KSR1: variants seen among roughly 807,000 people sequenced by gnomAD.
KSR1 encodes kinase suppressor of ras.
Under a neutral mutation model 92.9 loss-of-function variants are expected in KSR1, and 35 were observed. The observed-to-expected ratio is 0.38, with a 90% CI of 0.29 to 0.50. The LOEUF (loss-of-function observed/expected upper bound fraction) is 0.50. KSR1 is among the 20% of genes least tolerant of loss of function. The pLI is 0.94. For synonymous variants in KSR1, 467 were observed against 472.6 expected, an observed-to-expected ratio of 0.99 and a Z score of 0.15; for missense variants, 972 against 1,158.5, an observed-to-expected ratio of 0.84 and a Z score of 2.34.
At chr17:27,495,608 C>T (rs1009849973) in intron 1 of KSR1, among the ~76,000 whole-genome samples, 5 of 152,180 alleles carry the variant, frequency 3.3e-5, no homozygotes, top group African/African-American at 1.2e-4. Flanking sequence ...AATCTGTGAG[C>T]AATGTTGTCC....
chr17:27,566,561 G>C (rs1333597561), intron 2 of KSR1: 5 of 399,058 alleles, frequency 1.3e-5, no homozygotes, highest in Non-Finnish European at 2.2e-5. Context: ...CACCTGGGCT[G>C]GAGGATTATG....
chr17:27,456,793 C>G lies in KSR1; in HGVS notation c.150C>G (p.Ile50Met). 15 of 1,566,452 alleles carry G rather than the reference C, an allele frequency of 9.6e-6. No individual in the cohort carries two copies. Among genetic ancestry groups the G allele is most frequent in the Non-Finnish European group, 1.3e-5 (15 of 1,152,616 alleles). Residue 50 changes from isoleucine (I) to methionine (M), a missense_variant, in exon 1 of 21, where the codon ATC (isoleucine) becomes ATG (methionine). Ile to Met is a conservative substitution (Grantham distance 10). Coordinates refer to ENST00000644974, the MANE Select transcript of KSR1 (RefSeq NM_001394583.1). ...QCGQLQKLID[I>M]SIGSLRGLRT... Reference sequence around the variant, plus strand: ...GGCAGCTCCAGAAGCTCATCGACATCTCCATCGGCAGCCTGCGCGGGCTGC... The same window carrying G: ...GGCAGCTCCAGAAGCTCATCGACATGTCCATCGGCAGCCTGCGCGGGCTGC...
chr17:27,569,828 C>G (rs2072235207), intron 2 of KSR1, among the ~76,000 whole-genome samples: 2 of 152,324 alleles, frequency 1.3e-5, no homozygotes, highest in South Asian at 4.1e-4. Flanking sequence ...AAAAGTTTGC[C>G]TATTCTCACA....
intron 1 of KSR1, among the ~76,000 whole-genome samples, chr17:27,521,304 A>G (rs984979206): frequency 2.0e-5 from 3 of 149,828 alleles, no homozygotes; most frequent in African/African-American, 4.9e-5. Context: ...CAGTTTACCC[A>G]TGAGGACAGT....
intron 1 of KSR1, among the ~76,000 whole-genome samples, chr17:27,479,516 C>CCG (rs2068450915): frequency 6.6e-6 from 1 of 152,064 alleles, no homozygotes; most frequent in Non-Finnish European, 1.5e-5. Flanking sequence ...GAGGAAGGTG[C>CCG]CGCTCCTAGT....
At chr17:27,500,156 G>A (rs2069125757) in intron 1 of KSR1, among the ~76,000 whole-genome samples, 1 of 152,214 alleles carries the variant, frequency 6.6e-6, no homozygotes, top group Non-Finnish European at 1.5e-5. Flanking sequence ...AGCTTATAAA[G>A]AGTGCAGGGG....
In KSR1 at chr17:27,559,679, C is replaced by T. The variant is rs55884313; in HGVS notation, c.372+8971C>T. Among the ~76,000 whole-genome samples, 1,000 of 152,308 alleles carry T rather than the reference C, an allele frequency of 6.6e-3. 4 individuals carry two copies. The highest frequency in any genetic ancestry group is 9.8e-3 in the Non-Finnish European group (669 of 68,014). On this transcript the variant is annotated intron_variant, in intron 2 of 20. Coordinates refer to ENST00000644974, the MANE Select transcript of KSR1 (RefSeq NM_001394583.1). This position sits in a 1 kb window ranked among gnomAD's most constrained non-coding sequence, Gnocchi z 4.2. ...AGAGCCCCAGATGCCCTGATGGCTC[C>T]GGGATGGGATCTGTTGGAGCCAGTG... is the stretch of plus-strand genomic sequence containing the variant.
intron 1 of KSR1, among the ~76,000 whole-genome samples, chr17:27,525,848 A>T (rs2070238698): frequency 6.6e-6 from 1 of 152,198 alleles, no homozygotes; most frequent in Admixed American, 6.5e-5. Flanking sequence ...CATTTGTGTA[A>T]ATCTTCTCCC....
rs1456013749 is a variant in KSR1, at chr17:27,456,820, C to T, written c.177C>T (p.Arg59=). The change falls in exon 1 of 21, where the codon CGC becomes CGT. Residue 59 remains arginine, a synonymous_variant. Coordinates refer to ENST00000644974, the MANE Select transcript of KSR1 (RefSeq NM_001394583.1). ...CCATCGGCAGCCTGCGCGGGCTGCG[C>T]ACCAAGTGCGCTGTGTCCAACGACC... ...DISIGSLRGL[R]TKCAVSNDLT... is the part of the protein sequence containing the mutation. The T allele has an allele frequency of 4.7e-6, 7 of 1,480,308 alleles. No individual in the cohort carries two copies. Among genetic ancestry groups the T allele is most frequent in the Non-Finnish European group, 6.5e-6 (7 of 1,073,968 alleles). 91.7% of individuals were successfully genotyped at this position (1,480,308 alleles called of 1,614,324 possible).
intron 4 of KSR1, among the ~76,000 whole-genome samples, chr17:27,584,571 A>C (rs947448118): frequency 6.6e-6 from 1 of 152,178 alleles, no homozygotes; most frequent in Admixed American, 6.5e-5. Flanking sequence ...GTCTTCTCCC[A>C]AGAAGAGCAT....
chr17:27,479,491 C>T (rs182876959), intron 1 of KSR1, among the ~76,000 whole-genome samples: 21 of 152,290 alleles, frequency 1.4e-4, no homozygotes, highest in Admixed American at 7.2e-4. Context: ...CCTTCTGAGG[C>T]GGGTGTAGGG....
In KSR1 at chr17:27,519,800, A is replaced by G. The variant is rs772317172; in HGVS notation, c.232-30768A>G. ...GGGACCTAGAGTCTAAGACCAAAGG[A>G]AAGTCCCTGGTCCATGGCACAGGCT... On this transcript the variant is annotated intron_variant, in intron 1 of 20. Transcript: ENST00000644974. Among the ~76,000 whole-genome samples the G allele has an allele frequency of 8.2e-4, 125 of 152,334 alleles. 1 individual carries two copies. Among genetic ancestry groups the G allele is most frequent in the Non-Finnish European group, 2.4e-4 (16 of 68,020 alleles).
intron 16 of KSR1, 142 bp downstream of exon 16, chr17:27,609,471 T>C: frequency 9.2e-7 from 1 of 1,086,748 alleles, no homozygotes; most frequent in South Asian, 1.6e-5. Flanking sequence ...CCTGCCCTCG[T>C]AGTTCTGGTT....
In KSR1 at chr17:27,456,593, G is replaced by C; in HGVS notation, c.-51G>C. 1 of 460,918 alleles carries C rather than the reference G, an allele frequency of 2.2e-6. No homozygotes were observed. Among genetic ancestry groups the C allele is most frequent in the Non-Finnish European group, 3.7e-6 (1 of 267,522 alleles). The allele number at this position is 460,918 out of a possible 1,614,324, so 28.6% of individuals were successfully genotyped here. A position where few individuals can be genotyped will look rare whatever the true frequency, so the allele number is the denominator to read the frequency against. ...TGGCTCGGGGGTTCCTTGCCGAGGC[G>C]CCCGCGCCCCGGGCTCCCAGCCTCG... On this transcript the variant is annotated 5_prime_UTR_variant, in exon 1 of 21. Coordinates refer to ENST00000644974, the MANE Select transcript of KSR1 (RefSeq NM_001394583.1).
intron 11 of KSR1, 57 bp downstream of exon 11, chr17:27,601,458 C>T: frequency 6.7e-7 from 1 of 1,495,664 alleles, no homozygotes; most frequent in Non-Finnish European, 9.3e-7. Flanking sequence ...TTCTGTCCTG[C>T]CCACCTGGGC....
Position 27,503,831 on chromosome 17 carries a change from A to C in KSR1, c.232-46737A>C, listed in dbSNP as rs544676469. ...GGCGCCGTCAGCCTAGTCCTGGTGTAAGGAGGTGCGGGTCGGAGCTCCTAG... is the reference window on the plus strand; with the variant it reads ...GGCGCCGTCAGCCTAGTCCTGGTGTCAGGAGGTGCGGGTCGGAGCTCCTAG... On this transcript the variant is annotated intron_variant, in intron 1 of 20. Coordinates refer to ENST00000644974, the MANE Select transcript of KSR1 (RefSeq NM_001394583.1). Among the ~76,000 whole-genome samples, 3 of 152,250 alleles carry C rather than the reference A, an allele frequency of 2.0e-5. No homozygotes were observed. The South Asian group carries it at 6.2e-4, about 32-fold the overall frequency.
At chr17:27,471,708 C>T (rs1014408231) in intron 1 of KSR1, among the ~76,000 whole-genome samples, 4 of 152,100 alleles carry the variant, frequency 2.6e-5, no homozygotes, top group Admixed American at 6.5e-5. Context: ...CCCTCCTGGC[C>T]GGGTTTCGTG....
chr17:27,572,815 GTGCTGAGT>G (rs1455649736), intron 2 of KSR1, among the ~76,000 whole-genome samples: 1 of 152,226 alleles, frequency 6.6e-6, no homozygotes, highest in Non-Finnish European at 1.5e-5. Flanking sequence ...GGTTTCGGGG[GTGCTGAGT>G]TGCTTTGGGG....
intron 2 of KSR1, among the ~76,000 whole-genome samples, chr17:27,555,031 G>A (rs1466929454): frequency 1.3e-5 from 2 of 152,164 alleles, no homozygotes; most frequent in Non-Finnish European, 2.9e-5. Context: ...GACTATGTAG[G>A]TTTGACCAGT....
Sources: allele counts gnomAD v4.1 joint callset (sites outside exome capture counted in the v4.1 genomes callset), GRCh38; gene constraint gnomAD v4.1.1; non-coding constraint Gnocchi (gnomAD v3.1); transcripts MANE v1.5; gene names NCBI Gene and HGNC (gene_info 2026-07-23, HGNC 2026-07-21).